Variants in SH3GL3 observed in about 807,000 individuals in gnomAD.
SH3GL3 encodes endophilin-A3.
In SH3GL3, 33 loss-of-function variants were observed where a neutral mutation model predicts 47.7. The ratio of observed to expected loss-of-function variants is 0.69; its 90% CI spans 0.52 to 0.92. The LOEUF (loss-of-function observed/expected upper bound fraction) is 0.92. Ranked by LOEUF, SH3GL3 falls within the 40% of genes least tolerant of loss-of-function variation. SH3GL3 has a pLI of 0.00. For synonymous variants in SH3GL3, 155 were observed against 148.8 expected (o/e 1.04, Z -0.30); for missense variants, 363 against 417.8 (o/e 0.87, Z 1.14).
intron 4 of SH3GL3, among the ~76,000 whole-genome samples, chr15:83,571,580 T>G (rs191816641): frequency 1.4e-5 from 2 of 147,604 alleles, no homozygotes; most frequent in East Asian, 2.0e-4. Context: ...TATCTTTCTG[T>G]TTTTTTTTTA....
At chr15:83,527,180 C>T (rs770327116) in intron 1 of SH3GL3, among the ~76,000 whole-genome samples, 10 of 151,996 alleles carry the variant, frequency 6.6e-5, no homozygotes, top group Non-Finnish European at 1.5e-4. Context: ...TCCTCTTTTC[C>T]AATTTGGATG....
At chr15:83,633,635 G>A in the SH3GL3 span, among the ~76,000 whole-genome samples, 2 of 152,104 alleles carry the variant, frequency 1.3e-5, no homozygotes, top group African/African-American at 2.4e-5. Flanking sequence ...ACCACCCAGT[G>A]GCACCAAAGC....
At position 83,508,230 on chromosome 15, in the gene SH3GL3, G is replaced by A. The variant is rs571165308; in HGVS notation, c.46-51023G>A. ...GCTGGGATTACAGGCTTGAGCCACC[G>A]TGCCCAGCCCAGGCACAATTTTAAA... On this transcript the variant is annotated intron_variant, in intron 1 of 8. Transcript: ENST00000427482. 5.9e-5 allele frequency among the ~76,000 whole-genome samples: 9 copies of A among 151,854 alleles called. No homozygotes were observed. The East Asian group carries it at 1.2e-3, about 20-fold the overall frequency.
chr15:83,568,310 A>T (rs2045652932), intron 3 of SH3GL3, among the ~76,000 whole-genome samples: 1 of 152,152 alleles, frequency 6.6e-6, no homozygotes, highest in East Asian at 1.9e-4. Context: ...TCTATGGTTC[A>T]TCGTGGCTGC....
intron 8 of SH3GL3, among the ~76,000 whole-genome samples, chr15:83,603,009 C>CT (rs888983352): frequency 3.4e-4 from 51 of 148,368 alleles, no homozygotes; most frequent in Middle Eastern, 3.5e-3. Flanking sequence ...ACTTGATTTC[C>CT]TTTTTTTTTT....
intron 1 of SH3GL3, among the ~76,000 whole-genome samples, chr15:83,464,988 T>TATA (rs143393694): frequency 0.1 from 14,161 of 141,364 alleles, 912 homozygotes; most frequent in African/African-American, 0.19. Flanking sequence ...GAACTTAAAG[T>TATA]ATAATAATAA....
chr15:83,601,628 G>A (rs1234344819), intron 8 of SH3GL3, among the ~76,000 whole-genome samples: 1 of 152,068 alleles, frequency 6.6e-6, no homozygotes, highest in Middle Eastern at 3.2e-3. Context: ...TTGCATCTAT[G>A]TTCATCAGGG....
chr15:83,503,399 T>C (rs2042369262), intron 1 of SH3GL3, among the ~76,000 whole-genome samples: 1 of 152,232 alleles, frequency 6.6e-6, no homozygotes, highest in Non-Finnish European at 1.5e-5. Flanking sequence ...TTAGAAGTTG[T>C]ATAATATGGA....
intron 1 of SH3GL3, among the ~76,000 whole-genome samples, chr15:83,508,210 G>T (rs2042594310): frequency 6.6e-6 from 1 of 152,114 alleles, no homozygotes; most frequent in Non-Finnish European, 1.5e-5. Context: ...AAAGTGCTGG[G>T]ATTACAGGCT....
intron 4 of SH3GL3, 47 bp from the exon 5 acceptor site, chr15:83,572,518 G>A: frequency 6.5e-7 from 1 of 1,539,410 alleles, no homozygotes; most frequent in Non-Finnish European, 8.9e-7. Context: ...TGTTAACCTG[G>A]AGTAGTGTTC....
At chr15:83,565,465 C>G (rs1190504306) in intron 3 of SH3GL3, 1 of 376,584 alleles carries the variant, frequency 2.7e-6, no homozygotes, top group Non-Finnish European at 4.8e-6. Flanking sequence ...GAGCACTGAG[C>G]AAAGGTTTTA....
chr15:83,616,074 A>C (rs2060804411), intron 8 of SH3GL3, among the ~76,000 whole-genome samples: 1 of 151,958 alleles, frequency 6.6e-6, no homozygotes, highest in Admixed American at 6.6e-5. Context: ...CAAAATGAGA[A>C]AAAAAAAGAA....
At chr15:83,490,786 A>C (rs1455698155) in intron 1 of SH3GL3, 1 of 1,612,906 alleles carries the variant, frequency 6.2e-7, no homozygotes, top group Non-Finnish European at 8.5e-7. Context: ...TTTCCCAATG[A>C]GCAGTGTCAT....
At chr15:83,594,932 A>T (rs56828103) in intron 8 of SH3GL3, among the ~76,000 whole-genome samples, 1 of 152,178 alleles carries the variant, frequency 6.6e-6, no homozygotes, top group Non-Finnish European at 1.5e-5. Context: ...CCACTGTGGA[A>T]GGAAGTTTGG....
At chr15:83,623,926 C>T in the SH3GL3 span, among the ~76,000 whole-genome samples, 1 of 152,166 alleles carries the variant, frequency 6.6e-6, no homozygotes. Flanking sequence ...GCTGGGATTA[C>T]ACGTGCCCAC....
intron 8 of SH3GL3, among the ~76,000 whole-genome samples, chr15:83,605,706 A>C (rs920127121): frequency 6.6e-6 from 1 of 152,170 alleles, no homozygotes; most frequent in Non-Finnish European, 1.5e-5. Context: ...TCTTGAAATG[A>C]CAGATTGCAG....
chr15:83,584,900 C>T (rs1006618393), intron 6 of SH3GL3, among the ~76,000 whole-genome samples: 8 of 152,178 alleles, frequency 5.3e-5, no homozygotes, highest in African/African-American at 1.9e-4. Context: ...ACCTTTTGGT[C>T]AGGTTTTGGC....
chr15:83,461,731 G>A (rs1413640722), intron 1 of SH3GL3, among the ~76,000 whole-genome samples: 1 of 151,930 alleles, frequency 6.6e-6, no homozygotes, highest in Admixed American at 6.6e-5. Context: ...AAAAATTCTT[G>A]TAGGTACTTC....
intron 1 of SH3GL3, among the ~76,000 whole-genome samples, chr15:83,464,215 G>A (rs1377800412): frequency 6.6e-6 from 1 of 152,122 alleles, no homozygotes; most frequent in Non-Finnish European, 1.5e-5. Flanking sequence ...ATTTGACCCA[G>A]TGGACTATTC....
Sources: allele counts gnomAD v4.1 joint callset (sites outside exome capture counted in the v4.1 genomes callset), GRCh38; gene constraint gnomAD v4.1.1; transcripts MANE v1.5; gene names NCBI Gene and HGNC (gene_info 2026-07-23, HGNC 2026-07-21).